The following XYLB variants were observed in gnomAD, a reference collection of about 807,000 sequenced individuals.
XYLB encodes the protein xylulose kinase.
Under a neutral mutation model 78.7 loss-of-function variants are expected in XYLB, and 62 were observed. That is an observed-to-expected ratio of 0.79 (90% CI 0.64 to 0.97). XYLB has a LOEUF of 0.97. Among genes scored for constraint, XYLB ranks in the 50% least tolerant of loss-of-function variants. The pLI, the probability that XYLB is intolerant of heterozygous loss-of-function variation, is 0.00. For synonymous variants in XYLB, 245 were observed against 247.4 expected (o/e 0.99, Z 0.09); for missense variants, 687 against 676.8 (o/e 1.02, Z -0.17).
At chr3:38,389,350 A>G (rs1340828464) in intron 15 of XYLB, among the ~76,000 whole-genome samples, 1 of 151,604 alleles carries the variant, frequency 6.6e-6, no homozygotes, top group Non-Finnish European at 1.5e-5. Context: ...ACTTCTTTCT[A>G]CACAGACACA....
intron 15 of XYLB, among the ~76,000 whole-genome samples, chr3:38,387,769 T>C (rs1440740213): frequency 3.9e-5 from 6 of 152,218 alleles, no homozygotes; most frequent in Non-Finnish European, 7.3e-5. Context: ...TTGGATATTA[T>C]ATTTTTTCTA....
chr3:38,447,330 G>T, the XYLB span, among the ~76,000 whole-genome samples: 1 of 152,108 alleles, frequency 6.6e-6, no homozygotes, highest in Non-Finnish European at 1.5e-5. Context: ...TGGAGACAAG[G>T]TCTCACTCTG....
At chr3:38,406,108 C>A (rs1708310146) in intron 18 of XYLB, among the ~76,000 whole-genome samples, 2 of 152,236 alleles carry the variant, frequency 1.3e-5, no homozygotes. Flanking sequence ...ACCCCTGACC[C>A]CCGAGCAGCC....
the XYLB span, among the ~76,000 whole-genome samples, chr3:38,450,102 C>G: frequency 6.6e-6 from 1 of 152,156 alleles, no homozygotes; most frequent in South Asian, 2.1e-4. Flanking sequence ...CCTCCCCCAA[C>G]AATTATACAC....
intron 2 of XYLB, among the ~76,000 whole-genome samples, chr3:38,355,466 A>G (rs1705597586): frequency 6.6e-6 from 1 of 152,234 alleles, no homozygotes; most frequent in Admixed American, 6.5e-5. Context: ...TACCCAATGT[A>G]GATAATTATT....
At chr3:38,421,281 C>G (rs1299697401), downstream of XYLB, 1 of 152,464 alleles carries the variant, frequency 6.6e-6, no homozygotes, top group South Asian at 2.0e-4. Context: ...GGGGCTCGAA[C>G]CTGGGTCGAA....
chr3:38,435,473 T>C, the XYLB span, among the ~76,000 whole-genome samples: 2 of 152,182 alleles, frequency 1.3e-5, no homozygotes, highest in Non-Finnish European at 2.9e-5. Context: ...AATAGAGAGA[T>C]AGCCTGCAAT....
chr3:38,438,656 C>T, the XYLB span, among the ~76,000 whole-genome samples: 1 of 152,088 alleles, frequency 6.6e-6, no homozygotes, highest in Admixed American at 6.6e-5. Context: ...CTGGCATGGA[C>T]CCAAAGAGTG....
chr3:38,397,566 T>C (rs555526348), intron 17 of XYLB, among the ~76,000 whole-genome samples: 1 of 152,188 alleles, frequency 6.6e-6, no homozygotes, highest in East Asian at 1.9e-4. Context: ...GCCCAAGCAG[T>C]CCAGGACCCT....
chr3:38,360,275 T>C, intron 2 of XYLB, 64 bp from the exon 3 acceptor site: 1 of 1,474,008 alleles, frequency 6.8e-7, no homozygotes, highest in Non-Finnish European at 9.5e-7. Context: ...ATAGGGTTTC[T>C]CCTGGCTTTG....
At chr3:38,425,331 A>T (rs1447443701), downstream of XYLB, among the ~76,000 whole-genome samples, 1 of 152,210 alleles carries the variant, frequency 6.6e-6, no homozygotes, top group Non-Finnish European at 1.5e-5. Context: ...ATTTTTCTCT[A>T]TATGGAATAT....
At chr3:38,421,160 A>AGC (rs1012391618), downstream of XYLB, 5 of 152,170 alleles carry the variant, frequency 3.3e-5, no homozygotes, top group Middle Eastern at 3.2e-3. Flanking sequence ...GAACGCTGTC[A>AGC]CCCCTGATCC....
chr3:38,449,537 C>CATAA, the XYLB span, among the ~76,000 whole-genome samples: 4 of 152,228 alleles, frequency 2.6e-5, no homozygotes, highest in African/African-American at 9.6e-5. Context: ...GGATTACAGG[C>CATAA]ATAAGCCATC....
At chr3:38,441,848 C>CTTT in the XYLB span, among the ~76,000 whole-genome samples, 5 of 152,176 alleles carry the variant, frequency 3.3e-5, no homozygotes, top group Non-Finnish European at 7.3e-5. Flanking sequence ...TCCCACGAGT[C>CTTT]TGAGTAAGGA....
At chr3:38,396,942 A>G (rs576105548) in intron 16 of XYLB, 130 bp from the exon 17 acceptor site, 2 of 879,856 alleles carry the variant, frequency 2.3e-6, no homozygotes, top group South Asian at 3.0e-5. Context: ...TACTCCTCTT[A>G]AGGCAGTCGA....
Position 38,362,994 on chromosome 3 carries a change from C to T in XYLB, c.268C>T (p.Leu90=). 6.4e-7 allele frequency: 1 copy of T among 1,572,198 alleles called. No homozygotes were observed. Among genetic ancestry groups the T allele is most frequent in the Non-Finnish European group, 8.6e-7 (1 of 1,157,716 alleles). ...TTCGGGCTTCGACTTCTCTCAAGTC[C>T]TAGCCTTGTCCGGGGCGGGCCAGGT... The part of the protein sequence containing the change: ...KASGFDFSQV[L]ALSGAGQQHG... The change falls in exon 4 of 19, where the codon CTA becomes TTA. Residue 90 remains leucine (L), a synonymous_variant. Transcript: ENST00000207870.
chr3:38,361,076 G>T (rs1705943156), intron 3 of XYLB, among the ~76,000 whole-genome samples: 1 of 152,108 alleles, frequency 6.6e-6, no homozygotes, highest in African/African-American at 2.4e-5. Flanking sequence ...TAGCCCTTAG[G>T]GTCTTAGTGC....
Position 38,372,732 on chromosome 3 carries a change from C to T in XYLB, c.843C>T (p.Asn281=), listed in dbSNP as rs189258757. The T allele has an allele frequency of 6.2e-7, 1 of 1,614,142 alleles. No homozygotes were observed. Among genetic ancestry groups the T allele is most frequent in the African/African-American group, 1.3e-5 (1 of 75,042 alleles). The change falls in exon 10 of 19, where the codon AAC becomes AAT. Residue 281 remains asparagine (N), a synonymous_variant. Transcript: ENST00000207870. ...GCKVVAFTGD[N]PASLAGMRLE... is the part of the protein sequence containing the mutation. ...AAGTGGTGGCCTTCACTGGGGACAA[C>T]CCAGGTGAGTATCTCGGGGAGTTTC...
intron 2 of XYLB, chr3:38,355,947 C>CT (rs151059359): frequency 1.8e-5 from 11 of 601,560 alleles, no homozygotes; most frequent in South Asian, 1.4e-4. Flanking sequence ...CCCTCATATC[C>CT]TTTTTTTAAA....
Sources: allele counts gnomAD v4.1 joint callset (sites outside exome capture counted in the v4.1 genomes callset), GRCh38; gene constraint gnomAD v4.1.1; transcripts MANE v1.5; gene names NCBI Gene and HGNC (gene_info 2026-07-23, HGNC 2026-07-21).